The following NAALAD2 variants were observed in gnomAD, a reference collection of about 807,000 sequenced individuals.
NAALAD2 encodes N-acetylated-alpha-linked acidic dipeptidase 2.
Under a neutral mutation model 95.6 loss-of-function variants are expected in NAALAD2, and 89 were observed. The observed-to-expected ratio is 0.93, with a 90% CI of 0.78 to 1.11. The LOEUF is 1.11. Among genes scored for constraint, NAALAD2 ranks in the 50% least tolerant of loss-of-function variants. NAALAD2 has a pLI of 0.00. For synonymous variants in NAALAD2, 264 were observed against 294.4 expected (o/e 0.90, Z 1.06); for missense variants, 894 against 872.4 (o/e 1.02, Z -0.31).
intron 6 of NAALAD2, among the ~76,000 whole-genome samples, chr11:90,153,278 G>A (rs1429165367): frequency 6.6e-6 from 1 of 152,146 alleles, no homozygotes; most frequent in African/African-American, 2.4e-5. Flanking sequence ...GTATGTACAT[G>A]TTCTTTTATT....
At chr11:90,159,127 TA>T in intron 7 of NAALAD2, 111 bp from the exon 8 acceptor site, 1 of 846,876 alleles carries the variant, frequency 1.2e-6, no homozygotes. Context: ...TGGCACTTAG[TA>T]AATGACAAAT....
At chr11:90,139,054 A>T (rs1390775042) in intron 2 of NAALAD2, among the ~76,000 whole-genome samples, 1 of 151,940 alleles carries the variant, frequency 6.6e-6, no homozygotes, top group African/African-American at 2.4e-5. Flanking sequence ...AATTAGAGAG[A>T]TGTGTTTGGG....
chr11:90,177,677 TC>T (rs34300990), intron 15 of NAALAD2, among the ~76,000 whole-genome samples, 175 bp from the exon 16 acceptor site: 58,631 of 139,702 alleles, frequency 0.42, 12,440 homozygotes, highest in South Asian at 0.51. Context: ...GGTCTTGAAC[TC>T]CTGAGCTCAG....
chr11:90,178,006 A>C lies in NAALAD2; in HGVS notation c.1747A>C (p.Ile583Leu). 1 of 1,613,966 alleles carries C rather than the reference A, an allele frequency of 6.2e-7. No homozygotes were observed. Among genetic ancestry groups the C allele is most frequent in the Non-Finnish European group, 8.5e-7 (1 of 1,179,954 alleles). The change falls in exon 16 of 19, where the codon ATT becomes CTT. Residue 583 changes from isoleucine to leucine, a missense_variant. Coordinates refer to ENST00000534061, the MANE Select transcript of NAALAD2 (RefSeq NM_005467.4). ...LVYELVDSKIIPFNIQDYAEA... is the reference protein window; with the variant it reads ...LVYELVDSKILPFNIQDYAEA... ...ATATGAGCTTGTGGATTCTAAAATC[A>C]TTCCTTTTAATATTCAAGACTATGC...
At chr11:90,176,638 AT>A (rs922860937) in intron 15 of NAALAD2, among the ~76,000 whole-genome samples, 5 of 152,208 alleles carry the variant, frequency 3.3e-5, no homozygotes, top group African/African-American at 1.2e-4. Flanking sequence ...GTACTTGGAT[AT>A]AACCAATATA....
In NAALAD2 at chr11:90,168,945, T is replaced by A; in HGVS notation, c.1295T>A (p.Leu432His). ...TEWAEENVKI[L>H]QERSIAYINS... ...CAACTACAGGAGAATGTCAAAATAC[T>A]CCAGGAGAGAAGCATTGCTTATATC... The change falls in exon 12 of 19, where the codon CTC (leucine) becomes CAC (histidine). Residue 432 changes from leucine (L) to histidine (H), a missense_variant. By Grantham distance (99) the Leu-to-His change is moderately conservative. Coordinates refer to ENST00000534061, the MANE Select transcript of NAALAD2 (RefSeq NM_005467.4). 6.2e-7 allele frequency: 1 copy of A among 1,608,986 alleles called. No individual in the cohort carries two copies. Among genetic ancestry groups the A allele is most frequent in the Non-Finnish European group, 8.5e-7 (1 of 1,177,966 alleles).
rs1035504399 is a variant in NAALAD2, at chr11:90,173,202, C to T, written c.1411-622C>T. 3.3e-5 allele frequency among the ~76,000 whole-genome samples: 5 copies of T among 152,090 alleles called. No individual in the cohort carries two copies. In the South Asian group the frequency reaches 6.2e-4, roughly 19 times the overall value. ...GTATATATATACACACACACACACA[C>T]GAGCTCTTAAAAATTCCCAAGTAGA... On this transcript the variant is annotated intron_variant, in intron 13 of 18. Transcript: ENST00000534061.
chr11:90,190,171 G>A (rs2135003806), intron 18 of NAALAD2, among the ~76,000 whole-genome samples: 1 of 150,466 alleles, frequency 6.6e-6, no homozygotes, highest in South Asian at 2.2e-4. Context: ...TAAATGTCAA[G>A]CTATGCTTTT....
intron 17 of NAALAD2, 24 bp downstream of exon 17, chr11:90,181,725 TTAAAAA>T (rs58524552): frequency 0.12 from 158,909 of 1,363,916 alleles, 7,323 homozygotes; most frequent in African/African-American, 0.2. Context: ...CCCTTTTTTT[TTAAAAA>T]AAAAAAAAAA....
chr11:90,150,439 C>G, intron 4 of NAALAD2, 43 bp from the exon 5 acceptor site: 8 of 1,089,484 alleles, frequency 7.3e-6, no homozygotes, highest in Non-Finnish European at 8.8e-6. Context: ...TTTTTTTTTT[C>G]TTTAATTTTA....
chr11:90,186,018 CTT>C (rs960999355), intron 18 of NAALAD2, among the ~76,000 whole-genome samples: 1 of 149,200 alleles, frequency 6.7e-6, no homozygotes, highest in African/African-American at 2.5e-5. Context: ...AACTTGTAAT[CTT>C]TTTTTTTTAA....
At chr11:90,170,853 A>G (rs562876502) in intron 13 of NAALAD2, among the ~76,000 whole-genome samples, 1 of 152,322 alleles carries the variant, frequency 6.6e-6, no homozygotes, top group Non-Finnish European at 1.5e-5. Context: ...CCTGATCTGA[A>G]GGTAGCTCAG....
rs529024489 is a variant in NAALAD2, at chr11:90,164,422, T to A, written c.1278+805T>A. 2.6e-5 allele frequency: 4 copies of A among 152,300 alleles called. No individual in the cohort carries two copies. The South Asian group carries it at 6.2e-4, about 24-fold the overall frequency. The allele number at this position is 152,300 out of a possible 1,614,324, so 9.4% of individuals were successfully genotyped here. A position where few individuals can be genotyped will look rare whatever the true frequency, so the allele number is the denominator to read the frequency against. ...AGGTATGTTACATAGGTAAACTGTG[T>A]CATGGGGATTTGCCACGCTGTTCAA... On this transcript the variant is annotated intron_variant, in intron 11 of 18. Coordinates refer to ENST00000534061, the MANE Select transcript of NAALAD2 (RefSeq NM_005467.4).
intron 13 of NAALAD2, 41 bp downstream of exon 13, chr11:90,170,177 G>A: frequency 1.7e-6 from 2 of 1,165,900 alleles, no homozygotes; most frequent in Non-Finnish European, 2.6e-6. Context: ...TCTTTTGAAT[G>A]GATAAATGAA....
At chr11:90,136,660 T>C (rs1347292204) in intron 2 of NAALAD2, among the ~76,000 whole-genome samples, 1 of 152,202 alleles carries the variant, frequency 6.6e-6, no homozygotes, top group African/African-American at 2.4e-5. Context: ...ATTGTATGGA[T>C]ATATTGCAAT....
intron 15 of NAALAD2, among the ~76,000 whole-genome samples, chr11:90,177,395 A>G (rs1952824347): frequency 6.6e-6 from 1 of 151,302 alleles, no homozygotes; most frequent in Non-Finnish European, 1.5e-5. Flanking sequence ...CCCTAATTTT[A>G]GTTATCGAAG....
chr11:90,135,522 G>T (rs756759023), intron 1 of NAALAD2, 37 bp from the exon 2 acceptor site: 1 of 1,437,694 alleles, frequency 7.0e-7, no homozygotes, highest in Non-Finnish European at 9.6e-7. Flanking sequence ...GTGATTTTGT[G>T]TGTATGTGTG....
rs201269118 is a variant in NAALAD2, at chr11:90,181,585, C to G, written c.1859-35C>G. Reference sequence around the variant, plus strand: ...GGAAAGCGAACCTCTGAAATATGAGCTAATTTCTCTTCTTCTTTTCTATTT... The same window carrying G: ...GGAAAGCGAACCTCTGAAATATGAGGTAATTTCTCTTCTTCTTTTCTATTT... On this transcript the variant is annotated intron_variant, in intron 16 of 18. Coordinates refer to ENST00000534061, the MANE Select transcript of NAALAD2 (RefSeq NM_005467.4). 598 of 1,415,828 alleles carry G rather than the reference C, an allele frequency of 4.2e-4. 2 individuals are homozygous for G. Among genetic ancestry groups the G allele is most frequent in the Non-Finnish European group, 8.7e-5 (88 of 1,006,058 alleles). 87.7% of individuals were successfully genotyped at this position (1,415,828 alleles called of 1,614,324 possible). A position where few individuals can be genotyped will look rare whatever the true frequency, so the allele number is the denominator to read the frequency against.
intron 6 of NAALAD2, among the ~76,000 whole-genome samples, chr11:90,157,573 GA>G (rs1952152605): frequency 6.6e-6 from 1 of 152,034 alleles, no homozygotes; most frequent in Non-Finnish European, 1.5e-5. Flanking sequence ...GATCCTTGAG[GA>G]AATAAAATAT....
Sources: gnomAD v4.1 joint callset for allele counts (sites outside exome capture counted in the v4.1 genomes callset) on GRCh38, gnomAD v4.1.1 for gene constraint, MANE v1.5 for transcripts, NCBI Gene and HGNC (gene_info 2026-07-23, HGNC 2026-07-21) for gene names.